The following SBF2 variants were observed in gnomAD, a reference collection of about 807,000 sequenced individuals.
The protein encoded by SBF2 is SET binding factor 2, also known as myotubularin-related protein 13.
SBF2 carries 112 observed loss-of-function variants against 225.2 expected under a neutral mutation model. The ratio of observed to expected loss-of-function variants is 0.50; its 90% CI spans 0.43 to 0.58. The LOEUF is 0.58. SBF2 is among the 20% of genes least tolerant of loss of function. SBF2 has a pLI of 0.00. For missense variants in SBF2, 1,996 were observed against 2,206.2 expected (o/e 0.90, Z 1.91); for synonymous variants, 763 against 773.3 (o/e 0.99, Z 0.22).
intron 10 of SBF2, among the ~76,000 whole-genome samples, 159 bp downstream of exon 10, chr11:9,993,762 C>T (rs1483820063): frequency 6.6e-6 from 1 of 152,196 alleles, no homozygotes; most frequent in Non-Finnish European, 1.5e-5. Flanking sequence ...TTGAGCAGGA[C>T]ATAAGGACAG....
intron 1 of SBF2, among the ~76,000 whole-genome samples, chr11:10,273,826 T>C (rs967560657): frequency 2.0e-5 from 3 of 152,202 alleles, no homozygotes; most frequent in African/African-American, 7.2e-5. Context: ...CCTCATTAGA[T>C]AGACCTGACA....
rs766293143 is a variant in SBF2 at position 9,998,390 on chromosome 11, TA to T, written c.862-12del. On this transcript the variant is annotated splice_polypyrimidine_tract_variant and intron_variant, in intron 8 of 39. Coordinates refer to ENST00000256190, the MANE Select transcript of SBF2 (RefSeq NM_030962.4). ...TATGATTACATCTAACTGAAAGAGA[TA>T]AAAAAATTAACCTATAATTACCAAA... is the stretch of plus-strand genomic sequence containing the variant. 1 of 1,420,956 alleles carries T rather than the reference TA, an allele frequency of 7.0e-7. No individual in the cohort carries two copies. Among genetic ancestry groups the T allele is most frequent in the Non-Finnish European group, 9.9e-7 (1 of 1,010,056 alleles). 88.0% of individuals were successfully genotyped at this position (1,420,956 alleles called of 1,614,324 possible).
At chr11:9,809,533 T>C (rs1854050933) in intron 30 of SBF2, among the ~76,000 whole-genome samples, 1 of 148,154 alleles carries the variant, frequency 6.7e-6, no homozygotes, top group Non-Finnish European at 1.5e-5. Flanking sequence ...GTAGTAAGTT[T>C]TGTTTCAGAC....
At chr11:10,188,765 T>G (rs970496539) in intron 2 of SBF2, among the ~76,000 whole-genome samples, 4 of 152,248 alleles carry the variant, frequency 2.6e-5, no homozygotes, top group African/African-American at 9.6e-5. Flanking sequence ...GTGGTTTTAT[T>G]ACTTCAAAGA....
intron 6 of SBF2, among the ~76,000 whole-genome samples, chr11:10,013,510 ATTG>A (rs1308598751): frequency 6.6e-6 from 1 of 152,190 alleles, no homozygotes; most frequent in Admixed American, 6.5e-5. Context: ...GAGCCCTGAA[ATTG>A]TTGTATTCAA....
chr11:10,104,234 G>A (rs1269017241), intron 2 of SBF2, among the ~76,000 whole-genome samples: 1 of 152,124 alleles, frequency 6.6e-6, no homozygotes, highest in East Asian at 1.9e-4. Context: ...GCAAAAATTT[G>A]TGTCCTAAAA....
intron 16 of SBF2, among the ~76,000 whole-genome samples, chr11:9,950,395 T>A (rs1865790908): frequency 6.6e-6 from 1 of 152,144 alleles, no homozygotes; most frequent in Non-Finnish European, 1.5e-5. Context: ...AATCAGAACA[T>A]CTGATGATGG....
chr11:10,269,685 T>A (rs1375493792), intron 1 of SBF2, among the ~76,000 whole-genome samples: 2 of 152,196 alleles, frequency 1.3e-5, no homozygotes, highest in Non-Finnish European at 2.9e-5. Flanking sequence ...ACAGAAAAAT[T>A]AAGTAACTTG....
chr11:10,114,910 C>T (rs1953057942), intron 2 of SBF2, among the ~76,000 whole-genome samples: 1 of 152,116 alleles, frequency 6.6e-6, no homozygotes, highest in African/African-American at 2.4e-5. Context: ...GTCAGTTTAT[C>T]CTGTGGGAGC....
intron 2 of SBF2, among the ~76,000 whole-genome samples, chr11:10,121,812 A>G (rs1953463991): frequency 1.3e-5 from 2 of 152,222 alleles, no homozygotes; most frequent in African/African-American, 2.4e-5. Flanking sequence ...TAAATTTCAT[A>G]CCATTCTGCA....
At chr11:9,853,382 T>C (rs1857097677) in intron 20 of SBF2, among the ~76,000 whole-genome samples, 158 bp downstream of exon 20, 1 of 152,252 alleles carries the variant, frequency 6.6e-6, no homozygotes, top group South Asian at 2.1e-4. Context: ...TTATGTTATA[T>C]ATGTATTTTA....
intron 1 of SBF2, among the ~76,000 whole-genome samples, chr11:10,257,066 A>G (rs1446747543): frequency 3.3e-5 from 5 of 152,230 alleles, no homozygotes; most frequent in Non-Finnish European, 7.3e-5. Context: ...AGCACTTGAC[A>G]GGAAACATCA....
At chr11:9,996,091 G>A (rs1053574576) in intron 9 of SBF2, among the ~76,000 whole-genome samples, 6 of 152,130 alleles carry the variant, frequency 3.9e-5, no homozygotes, top group Admixed American at 1.3e-4. Flanking sequence ...TTGGTGGCAC[G>A]GGTGTTGCAG....
intron 1 of SBF2, among the ~76,000 whole-genome samples, chr11:10,255,149 A>C (rs1035330330): frequency 1.3e-5 from 2 of 152,146 alleles, no homozygotes; most frequent in Middle Eastern, 3.4e-3. Context: ...CAAAAGAAAA[A>C]GTTCAAGAGA....
intron 17 of SBF2, among the ~76,000 whole-genome samples, chr11:9,879,675 C>T (rs777995534): frequency 2.0e-5 from 3 of 152,164 alleles, no homozygotes; most frequent in Non-Finnish European, 2.9e-5. Flanking sequence ...ATTCGCTGTG[C>T]ACGTACTATA....
chr11:10,269,801 A>G (rs1962320412), intron 1 of SBF2, among the ~76,000 whole-genome samples: 1 of 152,164 alleles, frequency 6.6e-6, no homozygotes, highest in African/African-American at 2.4e-5. Flanking sequence ...CCACTCTGTC[A>G]CCTAGGCTAG....
rs114876373 is a variant in SBF2 at position 10,172,397 on chromosome 11, G to A, written c.141+21505C>T. ...AGAAGGAGTCTTGCTCTGTCTCCCAGGATGAAGCACAATGGCGCATCTCAG... is the reference window on the plus strand; with the variant it reads ...AGAAGGAGTCTTGCTCTGTCTCCCAAGATGAAGCACAATGGCGCATCTCAG... On this transcript the variant is annotated intron_variant, in intron 2 of 39. Transcript: ENST00000256190. 3.4e-3 allele frequency among the ~76,000 whole-genome samples: 523 copies of A among 152,140 alleles called. 5 individuals carry two copies. The highest frequency in any genetic ancestry group is 0.012 in the African/African-American group (498 of 41,508).
chr11:10,176,152 G>C (rs1956452075), intron 2 of SBF2, among the ~76,000 whole-genome samples: 1 of 138,734 alleles, frequency 7.2e-6, no homozygotes, highest in Non-Finnish European at 1.6e-5. Flanking sequence ...CGAGAACAAA[G>C]ACACAACATA....
intron 2 of SBF2, among the ~76,000 whole-genome samples, chr11:10,118,315 G>A (rs1221795848): frequency 1.3e-5 from 2 of 152,016 alleles, no homozygotes; most frequent in Admixed American, 6.5e-5. Context: ...TCCAGATTAC[G>A]ACAGGGACTA....
Sources: allele counts gnomAD v4.1 joint callset (sites outside exome capture counted in the v4.1 genomes callset), GRCh38; gene constraint gnomAD v4.1.1; transcripts MANE v1.5; gene names NCBI Gene and HGNC (gene_info 2026-07-23, HGNC 2026-07-21).